AMBRA1: variants seen among roughly 807,000 people sequenced by gnomAD.
AMBRA1 encodes the protein activating molecule in BECN1-regulated autophagy protein 1.
A neutral mutation model predicts 125.4 loss-of-function variants in AMBRA1; 47 were observed. The observed-to-expected ratio is 0.37, with a 90% confidence interval of 0.30 to 0.48. The LOEUF is 0.48. Among genes scored for constraint, AMBRA1 ranks in the 20% least tolerant of loss-of-function variants. AMBRA1 has a pLI of 0.99. For missense variants in AMBRA1, 1,331 were observed against 1,693.4 expected (o/e 0.79, Z 3.76); for synonymous variants, 626 against 655.5 (o/e 0.95, Z 0.69).
chr11:46,572,139 G>A (rs902909603), intron 1 of AMBRA1, among the ~76,000 whole-genome samples: 2 of 151,956 alleles, frequency 1.3e-5, no homozygotes, highest in Non-Finnish European at 2.9e-5. Context: ...CGTCTCTACC[G>A]AAAATACAAA....
At chr11:46,587,737 A>G (rs2044454048) in intron 1 of AMBRA1, among the ~76,000 whole-genome samples, 1 of 152,146 alleles carries the variant, frequency 6.6e-6, no homozygotes, top group Non-Finnish European at 1.5e-5. Context: ...TCAAATACCT[A>G]TACTCCCCAC....
intron 1 of AMBRA1, among the ~76,000 whole-genome samples, chr11:46,583,846 T>C (rs1355742039): frequency 6.8e-6 from 1 of 147,864 alleles, no homozygotes; most frequent in Non-Finnish European, 1.5e-5. Flanking sequence ...CCAGTTAGAA[T>C]GGCAATCATT....
intron 7 of AMBRA1, among the ~76,000 whole-genome samples, chr11:46,533,271 C>A (rs1293949045): frequency 6.6e-6 from 1 of 152,096 alleles, no homozygotes; most frequent in African/African-American, 2.4e-5. Flanking sequence ...AATAGCAGAT[C>A]TCTGAGCAGT....
At chr11:46,453,627 T>C (rs182535725) in intron 11 of AMBRA1, among the ~76,000 whole-genome samples, 1 of 152,164 alleles carries the variant, frequency 6.6e-6, no homozygotes, top group African/African-American at 2.4e-5. Flanking sequence ...TAATTCTGAG[T>C]GTATTATCTA....
chr11:46,568,803 C>CTTTTTTTTTTTTTTT (rs774631588), intron 1 of AMBRA1, among the ~76,000 whole-genome samples: 18 of 96,478 alleles, frequency 1.9e-4, no homozygotes, highest in African/African-American at 7.8e-4. Context: ...TCAACCCTAC[C>CTTTTTTTTTTTTTTT]TTTTTTTTTT....
At chr11:46,493,753 C>T (rs370409176) in intron 10 of AMBRA1, 45 bp from the exon 11 acceptor site, 30 of 1,466,956 alleles carry the variant, frequency 2.0e-5, no homozygotes, top group African/African-American at 4.3e-5. Flanking sequence ...AAGACTACCA[C>T]GAAACAGATA....
At chr11:46,522,360 C>CAA (rs1785637627) in intron 7 of AMBRA1, among the ~76,000 whole-genome samples, 1 of 152,218 alleles carries the variant, frequency 6.6e-6, no homozygotes, top group South Asian at 2.1e-4. Flanking sequence ...CAAGTAAACT[C>CAA]AAAGGCCCAA....
intron 1 of AMBRA1, among the ~76,000 whole-genome samples, chr11:46,592,423 C>T (rs1204065549): frequency 1.3e-5 from 2 of 152,040 alleles, no homozygotes; most frequent in Admixed American, 1.3e-4. Flanking sequence ...TACACACAGC[C>T]TTTTTTAGCT....
intron 1 of AMBRA1, among the ~76,000 whole-genome samples, chr11:46,590,674 A>G (rs1377061749): frequency 6.6e-6 from 1 of 152,156 alleles, no homozygotes; most frequent in Non-Finnish European, 1.5e-5. Context: ...TTTTTAAAGG[A>G]AATGTCAACA....
intron 17 of AMBRA1, among the ~76,000 whole-genome samples, chr11:46,401,170 T>TCTGGGGCGTGCTGTGGCTGGC (rs1945737206): frequency 6.6e-6 from 1 of 152,134 alleles, no homozygotes; most frequent in African/African-American, 2.4e-5. Flanking sequence ...CGCAGCATGG[T>TCTGGGGCGTGCTGTGGCTGGC]CTGGGGCGTG....
intron 1 of AMBRA1, among the ~76,000 whole-genome samples, chr11:46,552,561 T>C (rs1439233628): frequency 2.0e-5 from 3 of 150,698 alleles, no homozygotes; most frequent in African/African-American, 7.3e-5. Context: ...GGTACGCGCC[T>C]GTAATCCCAG....
At chr11:46,491,553 T>A (rs1173983175) in intron 11 of AMBRA1, among the ~76,000 whole-genome samples, 2 of 152,174 alleles carry the variant, frequency 1.3e-5, no homozygotes, top group Non-Finnish European at 2.9e-5. Flanking sequence ...GCCAATAGAA[T>A]CTGGAGGGAC....
chr11:46,589,391 T>C (rs2044512173), intron 1 of AMBRA1, among the ~76,000 whole-genome samples: 1 of 152,204 alleles, frequency 6.6e-6, no homozygotes, highest in African/African-American at 2.4e-5. Context: ...AAGCTCTCTC[T>C]GAGTTTATGA....
At chr11:46,505,828 C>G (rs1951018242) in intron 9 of AMBRA1, among the ~76,000 whole-genome samples, 1 of 152,022 alleles carries the variant, frequency 6.6e-6, no homozygotes. Flanking sequence ...TAAACTAACC[C>G]AGAACTCCCT....
At chr11:46,494,256 C>A (rs1334319476) in intron 9 of AMBRA1, 52 bp from the exon 10 acceptor site, 1 of 1,459,048 alleles carries the variant, frequency 6.9e-7, no homozygotes, top group Non-Finnish European at 9.4e-7. Flanking sequence ...GAAGAATCAT[C>A]CACCAGCCCA....
intron 11 of AMBRA1, among the ~76,000 whole-genome samples, chr11:46,468,766 C>G (rs1202423602): frequency 6.9e-6 from 1 of 145,546 alleles, no homozygotes; most frequent in African/African-American, 2.6e-5. Flanking sequence ...GAGCCGAGAT[C>G]ACACCACTGC....
chr11:46,535,544 C>T (rs1257007972), intron 7 of AMBRA1, among the ~76,000 whole-genome samples: 3 of 152,152 alleles, frequency 2.0e-5, no homozygotes, highest in Non-Finnish European at 2.9e-5. Context: ...AAAGAACCTT[C>T]GCATTTAAAT....
At chr11:46,547,066 A>G (rs779021120) in intron 4 of AMBRA1, 47 bp downstream of exon 4, 8 of 1,548,654 alleles carry the variant, frequency 5.2e-6, no homozygotes, top group Non-Finnish European at 7.0e-6. Context: ...CTCAAAAAAA[A>G]AAAATTAGAA....
intron 16 of AMBRA1, 127 bp downstream of exon 16, chr11:46,410,149 C>A: frequency 1.3e-6 from 1 of 782,078 alleles, no homozygotes; most frequent in South Asian, 1.5e-5. Context: ...CACAAAAGAT[C>A]AAGGAGGTGC....
Sources: allele counts gnomAD v4.1 joint callset (sites outside exome capture counted in the v4.1 genomes callset), GRCh38; gene constraint gnomAD v4.1.1; transcripts MANE v1.5; gene names NCBI Gene and HGNC (gene_info 2026-07-23, HGNC 2026-07-21).